ETNK1: variants seen among roughly 807,000 people sequenced by gnomAD.
The protein encoded by ETNK1 is ethanolamine kinase 1.
A neutral mutation model predicts 45.1 loss-of-function variants in ETNK1; 8 were observed. The ratio of observed to expected loss-of-function variants is 0.18; its 90% CI spans 0.10 to 0.32. The LOEUF is 0.32. Among genes scored for constraint, ETNK1 ranks in the 10% least tolerant of loss-of-function variants. ETNK1 has a pLI of 1.00. For synonymous variants in ETNK1, 152 were observed against 151.9 expected (o/e 1.00, Z -0.01); for missense variants, 302 against 430.6 (o/e 0.70, Z 2.64).
At chr12:22,665,577 G>A (rs1954046023) in intron 4 of ETNK1, among the ~76,000 whole-genome samples, 1 of 152,108 alleles carries the variant, frequency 6.6e-6, no homozygotes, top group Admixed American at 6.6e-5. Context: ...TAGGCATTGT[G>A]GGCTGGATAG....
chr12:22,673,728 C>A (rs1380674948), intron 6 of ETNK1, 68 bp downstream of exon 6: 3 of 1,395,184 alleles, frequency 2.2e-6, no homozygotes, highest in South Asian at 2.8e-5. Flanking sequence ...AAATTTTCGT[C>A]ATCTTAGACA....
intron 1 of ETNK1, among the ~76,000 whole-genome samples, chr12:22,643,062 T>C (rs1220802699): frequency 6.6e-6 from 1 of 152,062 alleles, no homozygotes; most frequent in East Asian, 1.9e-4. Flanking sequence ...CTCTTTTTTC[T>C]TCCTGTAAGG....
At chr12:22,638,353 A>G (rs12301679) in intron 1 of ETNK1, 8,764 of 151,750 alleles carry the variant, frequency 0.058, 815 homozygotes, top group African/African-American at 0.2. Context: ...CAGGGTTTAA[A>G]TGATTCTCCT....
chr12:22,655,651 A>G (rs1953931786), intron 2 of ETNK1, among the ~76,000 whole-genome samples: 1 of 148,744 alleles, frequency 6.7e-6, no homozygotes, highest in African/African-American at 2.5e-5. Context: ...GGATATTTGT[A>G]TATGAATCTG....
intron 1 of ETNK1, among the ~76,000 whole-genome samples, chr12:22,628,093 CA>C (rs1206337080): frequency 6.6e-6 from 1 of 151,984 alleles, no homozygotes; most frequent in African/African-American, 2.4e-5. Context: ...AAATCTAAAA[CA>C]ACAATACAGC....
In ETNK1 at chr12:22,625,179, C is replaced by T. The variant is rs747614233; in HGVS notation, c.-252C>T. On this transcript the variant is annotated 5_prime_UTR_variant, in exon 1 of 8. Coordinates refer to ENST00000266517, the MANE Select transcript of ETNK1 (RefSeq NM_018638.5). ...CAGCCCCGGCATGCTCTGCGGCCGC[C>T]CGCGGTCCAGCTCCGACAACAGGAA... The T allele has an allele frequency of 4.4e-6, 7 of 1,600,088 alleles. No homozygotes were observed. The highest frequency in any genetic ancestry group is 2.2e-5 in the East Asian group (1 of 44,592).
At chr12:22,635,051 G>A (rs559724511) in intron 1 of ETNK1, among the ~76,000 whole-genome samples, 14 of 152,252 alleles carry the variant, frequency 9.2e-5, no homozygotes, top group Middle Eastern at 3.4e-3. Flanking sequence ...GTCTTGACAT[G>A]TGTTGGAAAA....
At chr12:22,628,148 C>T (rs1953530176) in intron 1 of ETNK1, among the ~76,000 whole-genome samples, 1 of 152,058 alleles carries the variant, frequency 6.6e-6, no homozygotes, top group African/African-American at 2.4e-5. Context: ...TTATAAAGCA[C>T]TTTCACATGC....
intron 2 of ETNK1, among the ~76,000 whole-genome samples, chr12:22,655,707 G>C (rs1264921265): frequency 1.3e-5 from 2 of 150,560 alleles, no homozygotes; most frequent in Non-Finnish European, 3.0e-5. Flanking sequence ...AGTTTAAATA[G>C]ATCAAATTTT....
In ETNK1 at chr12:22,675,478, C is replaced by G. The variant is rs889633954; in HGVS notation, c.945+1818C>G. Among the ~76,000 whole-genome samples the G allele has an allele frequency of 2.6e-5, 4 of 152,000 alleles. No individual in the cohort carries two copies. The East Asian group carries it at 7.7e-4, about 29-fold the overall frequency. ...ACAAGGGGTTCTCCCAACTCAGCCT[C>G]CCAAGTAGCTAGGACTACAGGCGCA... On this transcript the variant is annotated intron_variant, in intron 6 of 7. Transcript: ENST00000266517.
At chr12:22,664,583 G>A (rs1954036150) in intron 4 of ETNK1, among the ~76,000 whole-genome samples, 1 of 152,056 alleles carries the variant, frequency 6.6e-6, no homozygotes, top group Non-Finnish European at 1.5e-5. Context: ...ATTTGAGATT[G>A]TAGCATAGCA....
In ETNK1 at chr12:22,685,158, G is replaced by T; in HGVS notation, c.*204G>T. Reference sequence around the variant, plus strand: ...ATACCTACTGCTATCCGTATGTGGTGGATTAGAAATGTGTTAAATCTGCAA... The same window carrying T: ...ATACCTACTGCTATCCGTATGTGGTTGATTAGAAATGTGTTAAATCTGCAA... On this transcript the variant is annotated 3_prime_UTR_variant, in exon 8 of 8. Transcript: ENST00000266517. 2.3e-6 allele frequency: 1 copy of T among 430,112 alleles called. No individual in the cohort carries two copies. Among genetic ancestry groups the T allele is most frequent in the Non-Finnish European group, 4.1e-6 (1 of 241,230 alleles). 26.6% of individuals were successfully genotyped at this position (430,112 alleles called of 1,614,324 possible). A position where few individuals can be genotyped will look rare whatever the true frequency, so the allele number is the denominator to read the frequency against.
In ETNK1 at chr12:22,643,899, G is replaced by A. The variant is rs1953771928; in HGVS notation, c.293G>A (p.Arg98Gln). The change falls in exon 2 of 8, where the codon CGA becomes CAA. Residue 98 changes from arginine to glutamine, a missense_variant. This residue lies in a region of ETNK1 where 205 missense variants were observed against 259.9 expected (regional missense o/e 0.79). Transcript: ENST00000266517. ...VDRDEEVKSF[R>Q]VLQAHGCAPQ... ...CGAGATGAGGAAGTAAAGAGTTTTC[G>A]AGTGTTGCAGGCTCATGGGTGTGCA... 3 of 1,613,302 alleles carry A rather than the reference G, an allele frequency of 1.9e-6. No homozygotes were observed. The highest frequency in any genetic ancestry group is 1.3e-5 in the African/African-American group (1 of 74,832).
intron 4 of ETNK1, among the ~76,000 whole-genome samples, chr12:22,668,785 A>T (rs901332958): frequency 1.3e-5 from 2 of 152,242 alleles, no homozygotes; most frequent in African/African-American, 4.8e-5. Context: ...GCATTTAAAA[A>T]TAAAGGCTAG....
chr12:22,688,425 C>T lies in ETNK1; in HGVS notation c.*3471C>T, dbSNP rs1263117364. On this transcript the variant is annotated 3_prime_UTR_variant, in exon 8 of 8. Coordinates refer to ENST00000266517, the MANE Select transcript of ETNK1 (RefSeq NM_018638.5). ...AAAGAAAAAAAGTTTCCCCCACTCT[C>T]AATTAAAAGTTAGAACCCTCCACTT... is the stretch of plus-strand genomic sequence containing the variant. 1 of 151,840 alleles carries T rather than the reference C, an allele frequency of 6.6e-6. No homozygotes were observed. The allele number at this position is 151,840 out of a possible 1,614,324, so 9.4% of individuals were successfully genotyped here. A position where few individuals can be genotyped will look rare whatever the true frequency, so the allele number is the denominator to read the frequency against.
chr12:22,653,756 C>A (rs954264436), intron 2 of ETNK1, among the ~76,000 whole-genome samples: 24 of 152,244 alleles, frequency 1.6e-4, no homozygotes, highest in African/African-American at 5.3e-4. Context: ...TTCTTAAAAT[C>A]ATTCTTTACA....
At chr12:22,658,432 A>G (rs753307483) in intron 2 of ETNK1, among the ~76,000 whole-genome samples, 41 of 152,318 alleles carry the variant, frequency 2.7e-4, no homozygotes, top group African/African-American at 7.7e-4. Flanking sequence ...CGTGAATTCA[A>G]AGGTGCAAAC....
chr12:22,654,934 A>G (rs1953919635), intron 2 of ETNK1, among the ~76,000 whole-genome samples: 1 of 152,198 alleles, frequency 6.6e-6, no homozygotes. Context: ...TCACTCCATG[A>G]CTTGTGTGCA....
chr12:22,687,044 T>G lies in ETNK1; in HGVS notation c.*2090T>G, dbSNP rs960460991. 6.6e-5 allele frequency: 10 copies of G among 151,678 alleles called. No individual in the cohort carries two copies. The highest frequency in any genetic ancestry group is 1.0e-4 in the Non-Finnish European group (7 of 67,692). 9.4% of individuals were successfully genotyped at this position (151,678 alleles called of 1,614,324 possible). A position where few individuals can be genotyped will look rare whatever the true frequency, so the allele number is the denominator to read the frequency against. On this transcript the variant is annotated 3_prime_UTR_variant, in exon 8 of 8. Coordinates refer to ENST00000266517, the MANE Select transcript of ETNK1 (RefSeq NM_018638.5). ...GCATAGCTACTAGCTGTCACACTAT[T>G]GTAGGTTTTTTGGAGAGATTCATAG...
Sources: allele counts gnomAD v4.1 joint callset (sites outside exome capture counted in the v4.1 genomes callset), GRCh38; gene constraint gnomAD v4.1.1; regional missense constraint gnomAD v4.1.1; transcripts MANE v1.5; gene names NCBI Gene and HGNC (gene_info 2026-07-23, HGNC 2026-07-21).